RMDN2: variants seen among roughly 807,000 people sequenced by gnomAD.
RMDN2 encodes the protein regulator of microtubule dynamics protein 2.
RMDN2 carries 61 observed loss-of-function variants against 52.8 expected under a neutral mutation model. That is an observed-to-expected ratio of 1.16 (90% CI 0.94 to 1.43). The LOEUF is 1.43. RMDN2 is among the 40% of genes most tolerant of loss of function. The pLI is 0.00. For missense variants in RMDN2, 592 were observed against 475.3 expected (o/e 1.25, Z -2.28); for synonymous variants, 180 against 153.1 (o/e 1.18, Z -1.30).
chr2:37,965,608 CT>C, intron 2 of RMDN2, among the ~76,000 whole-genome samples: 1 of 152,108 alleles, frequency 6.6e-6, no homozygotes, highest in South Asian at 2.1e-4. Context: ...TTACTTTTTA[CT>C]TTTCTCTTTA....
At chr2:37,965,699 T>C (rs1670949433) in intron 2 of RMDN2, among the ~76,000 whole-genome samples, 1 of 152,216 alleles carries the variant, frequency 6.6e-6, no homozygotes. Flanking sequence ...TCTTTACCTT[T>C]ACTACAGAAT....
intron 2 of RMDN2, among the ~76,000 whole-genome samples, chr2:37,948,177 G>A (rs986087520): frequency 3.9e-5 from 6 of 152,144 alleles, no homozygotes; most frequent in African/African-American, 1.2e-4. Flanking sequence ...GACATACCCC[G>A]GACCTAGCGA....
chr2:38,019,587 T>C (rs1406754852), downstream of RMDN2, among the ~76,000 whole-genome samples: 1 of 152,186 alleles, frequency 6.6e-6, no homozygotes, highest in Non-Finnish European at 1.5e-5. Flanking sequence ...ATCCTGGTAA[T>C]AACCTTTCAA....
Position 37,948,041 on chromosome 2 carries a change from G to C in RMDN2, c.452+18312G>C, listed in dbSNP as rs1298641192. Among the ~76,000 whole-genome samples the C allele has an allele frequency of 2.0e-5, 3 of 152,244 alleles. No individual in the cohort carries two copies. In the East Asian group the frequency reaches 5.8e-4, roughly 29 times the overall value. On this transcript the variant is annotated intron_variant, in intron 2 of 10. Coordinates refer to ENST00000354545, the MANE Select transcript of RMDN2 (RefSeq NM_001170791.3). ...GTGAGGTACCTCAGAAGACGCTTCT[G>C]CCTTGACTCTGGGGGTCGTCATGAC...
intron 5 of RMDN2, among the ~76,000 whole-genome samples, chr2:37,981,920 A>G (rs1432473853): frequency 6.6e-6 from 1 of 152,044 alleles, no homozygotes; most frequent in Non-Finnish European, 1.5e-5. Flanking sequence ...TAAAACAATA[A>G]GGAATATATT....
intron 2 of RMDN2, chr2:37,951,394 C>G (rs375508062): frequency 6.2e-6 from 10 of 1,612,974 alleles, no homozygotes; most frequent in African/African-American, 4.0e-5. Flanking sequence ...GCAGCCAAAG[C>G]AAGTAGAAGG....
At chr2:37,931,866 CT>C (rs555085075) in intron 2 of RMDN2, among the ~76,000 whole-genome samples, 1 of 152,154 alleles carries the variant, frequency 6.6e-6, no homozygotes, top group South Asian at 2.1e-4. Flanking sequence ...TCCTGGGTGC[CT>C]TTGTTAGCAA....
At chr2:37,967,162 T>TGATTAATAGAGGACCTCTAA (rs1671162079) in intron 2 of RMDN2, among the ~76,000 whole-genome samples, 1 of 152,180 alleles carries the variant, frequency 6.6e-6, no homozygotes, top group Admixed American at 6.5e-5. Flanking sequence ...TGTCCTCTAA[T>TGATTAATAGAGGACCTCTAA]TGAAGAAAAC....
chr2:37,929,230 A>G (rs1028641466), intron 1 of RMDN2, 32 bp from the exon 2 acceptor site: 15 of 1,251,498 alleles, frequency 1.2e-5, no homozygotes, highest in Non-Finnish European at 1.5e-5. Context: ...GACATAAACA[A>G]CATTCATTTA....
intron 10 of RMDN2, among the ~76,000 whole-genome samples, chr2:38,044,471 C>G: frequency 6.6e-6 from 1 of 152,004 alleles, no homozygotes; most frequent in East Asian, 1.9e-4. Flanking sequence ...TATCTTCTGC[C>G]CTTTTGTTTC....
intron 1 of RMDN2, 53 bp from the exon 2 acceptor site, chr2:37,929,191 AAAGCACCTATATTTTTGT>A (rs1423062009): frequency 1.1e-6 from 1 of 896,704 alleles, no homozygotes; most frequent in African/African-American, 1.7e-5. Context: ...GTTGATTGAA[AAAGCACCTATATTTTTGT>A]CTTGGACAAA....
chr2:37,968,131 T>C (rs781066589), intron 2 of RMDN2, among the ~76,000 whole-genome samples: 23 of 152,156 alleles, frequency 1.5e-4, no homozygotes, highest in Non-Finnish European at 3.1e-4. Context: ...TCAGAAAGTC[T>C]GTTGTTAGGC....
At chr2:37,935,905 T>G (rs1199690345) in intron 2 of RMDN2, among the ~76,000 whole-genome samples, 5 of 152,210 alleles carry the variant, frequency 3.3e-5, no homozygotes, top group African/African-American at 1.2e-4. Context: ...TTGCTCCTTT[T>G]TTCTTTTATT....
chr2:37,966,365 C>G (rs1433238389), intron 2 of RMDN2, among the ~76,000 whole-genome samples: 1 of 151,512 alleles, frequency 6.6e-6, no homozygotes, highest in Non-Finnish European at 1.5e-5. Flanking sequence ...TACAGTGAGC[C>G]GAGATCATGC....
At chr2:37,948,716 C>G (rs1400277791) in intron 2 of RMDN2, among the ~76,000 whole-genome samples, 1 of 152,154 alleles carries the variant, frequency 6.6e-6, no homozygotes, top group East Asian at 1.9e-4. Flanking sequence ...TATGAGATTT[C>G]TTTTCTGATG....
At chr2:37,946,079 A>G (rs1254452602) in intron 2 of RMDN2, among the ~76,000 whole-genome samples, 4 of 152,224 alleles carry the variant, frequency 2.6e-5, no homozygotes, top group East Asian at 1.9e-4. Context: ...TAATTCTAAG[A>G]TGAACATTTT....
chr2:37,957,625 C>T (rs142388778), intron 2 of RMDN2, among the ~76,000 whole-genome samples: 1,877 of 152,280 alleles, frequency 0.012, 39 homozygotes, highest in African/African-American at 0.043. Context: ...GTTTCTTTTA[C>T]TGTGCAGAAG....
At chr2:37,959,675 T>C (rs1669947770) in intron 2 of RMDN2, among the ~76,000 whole-genome samples, 1 of 151,034 alleles carries the variant, frequency 6.6e-6, no homozygotes, top group South Asian at 2.1e-4. Context: ...TCTTAGTTAT[T>C]TCTCATCTTC....
intron 10 of RMDN2, among the ~76,000 whole-genome samples, chr2:38,045,035 G>A (rs1400375996): frequency 6.6e-6 from 1 of 151,680 alleles, no homozygotes; most frequent in African/African-American, 2.4e-5. Flanking sequence ...GTATCAAATA[G>A]TAATAACATG....
Sources: gnomAD v4.1 joint callset for allele counts (sites outside exome capture counted in the v4.1 genomes callset) on GRCh38, gnomAD v4.1.1 for gene constraint, MANE v1.5 for transcripts, NCBI Gene and HGNC (gene_info 2026-07-23, HGNC 2026-07-21) for gene names.